TOX2: variants seen among roughly 807,000 people sequenced by gnomAD.
The protein encoded by TOX2 is TOX high mobility group box family member 2, also known as granulosa cell HMG box 1.
Under a neutral mutation model 47.4 loss-of-function variants are expected in TOX2, and 15 were observed. That is an observed-to-expected ratio of 0.32 (90% CI 0.21 to 0.49). The LOEUF is 0.49. Among genes scored for constraint, TOX2 ranks in the 20% least tolerant of loss-of-function variants. The pLI is 0.99. For synonymous variants in TOX2, 290 were observed against 296.6 expected, an observed-to-expected ratio of 0.98 and a Z score of 0.23; for missense variants, 622 against 673.1, an observed-to-expected ratio of 0.92 and a Z score of 0.84.
At chr20:43,929,501 C>A (rs2069224355) in intron 1 of TOX2, among the ~76,000 whole-genome samples, 1 of 151,460 alleles carries the variant, frequency 6.6e-6, no homozygotes, top group South Asian at 2.1e-4. Flanking sequence ...GATCCCCCCA[C>A]CCTGTTCTTT....
intron 3 of TOX2, among the ~76,000 whole-genome samples, chr20:44,043,433 C>T (rs2071365103): frequency 6.6e-6 from 1 of 152,184 alleles, no homozygotes. Flanking sequence ...TATGCTTTTA[C>T]TACATTTTCA....
Position 43,916,968 on chromosome 20 carries a change from G to T in TOX2, c.99+1978G>T, listed in dbSNP as rs1262066399. Reference sequence around the variant, plus strand: ...ATCTCGCCGGGAAGGGCCCGTCAGGGAGGGAATGAGAAGCCGGCGATTCTG... The same window carrying T: ...ATCTCGCCGGGAAGGGCCCGTCAGGTAGGGAATGAGAAGCCGGCGATTCTG... On this transcript the variant is annotated intron_variant, in intron 1 of 8. Coordinates refer to ENST00000341197, the MANE Select transcript of TOX2 (RefSeq NM_001098797.2). The surrounding 1 kb of genome is among the most constrained non-coding windows in gnomAD (Gnocchi z 5.0). Among the ~76,000 whole-genome samples the T allele has an allele frequency of 6.6e-6, 1 of 152,200 alleles. No individual in the cohort carries two copies. Among genetic ancestry groups the T allele is most frequent in the African/African-American group, 2.4e-5 (1 of 41,448 alleles).
chr20:43,961,124 T>C (rs2069751436), intron 1 of TOX2, among the ~76,000 whole-genome samples: 1 of 152,230 alleles, frequency 6.6e-6, no homozygotes, highest in African/African-American at 2.4e-5. Flanking sequence ...GGTGCCCCCA[T>C]GGCAGAGGGG....
chr20:43,991,893 C>T (rs1468596308), intron 2 of TOX2, among the ~76,000 whole-genome samples: 1 of 152,068 alleles, frequency 6.6e-6, no homozygotes, highest in African/African-American at 2.4e-5. Flanking sequence ...GTCTGGCCTC[C>T]CAAAGTGCTA....
chr20:44,036,397 G>T (rs540033611), intron 3 of TOX2, among the ~76,000 whole-genome samples: 1 of 152,192 alleles, frequency 6.6e-6, no homozygotes, highest in Admixed American at 6.5e-5. Flanking sequence ...CAGCTGTGCC[G>T]CCTACGGCCA....
At chr20:44,019,491 C>T (rs908432495) in intron 3 of TOX2, among the ~76,000 whole-genome samples, 4 of 152,236 alleles carry the variant, frequency 2.6e-5, no homozygotes, top group African/African-American at 9.6e-5. Context: ...CCCTGTCTCC[C>T]TATCGAGTGT....
chr20:43,991,697 G>A (rs2070372075), intron 2 of TOX2, among the ~76,000 whole-genome samples: 1 of 151,480 alleles, frequency 6.6e-6, no homozygotes, highest in Non-Finnish European at 1.5e-5. Context: ...AGGCTGGAGT[G>A]CAGTGGTACA....
At chr20:43,983,145 T>C (rs1171709771) in intron 2 of TOX2, among the ~76,000 whole-genome samples, 1 of 151,960 alleles carries the variant, frequency 6.6e-6, no homozygotes, top group Admixed American at 6.6e-5. Flanking sequence ...CCACTGCCCC[T>C]GTAGCATCCC....
At chr20:44,028,103 C>T (rs2071093003) in intron 3 of TOX2, among the ~76,000 whole-genome samples, 1 of 152,186 alleles carries the variant, frequency 6.6e-6, no homozygotes, top group Non-Finnish European at 1.5e-5. Flanking sequence ...ACAGCTGTGA[C>T]AAGTTCAATG....
intron 2 of TOX2, among the ~76,000 whole-genome samples, chr20:44,001,575 A>T (rs2070583579): frequency 6.6e-6 from 1 of 152,212 alleles, no homozygotes; most frequent in East Asian, 1.9e-4. Flanking sequence ...TTATTTTTTC[A>T]AAAGGCTTCT....
chr20:43,923,180 G>A (rs980683435), intron 1 of TOX2, among the ~76,000 whole-genome samples: 4 of 152,108 alleles, frequency 2.6e-5, no homozygotes, highest in African/African-American at 9.7e-5. Context: ...GACACCAGCA[G>A]AGATGGTTAT....
intron 1 of TOX2, among the ~76,000 whole-genome samples, chr20:43,966,246 C>T (rs2069851169): frequency 1.3e-5 from 2 of 152,148 alleles, no homozygotes; most frequent in African/African-American, 4.8e-5. Flanking sequence ...TGCTGTTACC[C>T]AGTATGTTAC....
chr20:44,065,062 A>G (rs1352036906), intron 6 of TOX2, among the ~76,000 whole-genome samples: 8 of 152,256 alleles, frequency 5.3e-5, no homozygotes, highest in African/African-American at 1.9e-4. Context: ...TTCTTCCAAC[A>G]AGAACCCAGC....
Position 43,914,925 on chromosome 20 carries a change from G to A in TOX2, c.34G>A (p.Val12Met). The change falls in exon 1 of 9, where the codon GTG becomes ATG. Residue 12 changes from valine to methionine, a missense_variant. This residue lies in a region of TOX2 where 307 missense variants were observed against 327.3 expected (regional missense o/e 0.94). Transcript: ENST00000341197. This position sits in a 1 kb window ranked among gnomAD's most constrained non-coding sequence, Gnocchi z 4.5. Reference protein sequence around the residue: ...DVRLYPSAPAVGARPGAEPAG... With the variant: ...DVRLYPSAPAMGARPGAEPAG... ...CCGCCTGTACCCCTCGGCGCCCGCG[G>A]TGGGCGCGCGGCCCGGGGCCGAGCC... 1 of 1,181,868 alleles carries A rather than the reference G, an allele frequency of 8.5e-7. No individual in the cohort carries two copies. The highest frequency in any genetic ancestry group is 1.0e-6 in the Non-Finnish European group (1 of 957,940). 73.2% of individuals were successfully genotyped at this position (1,181,868 alleles called of 1,614,324 possible).
In TOX2 at chr20:44,026,250, G is replaced by GAC. The variant is rs1338053834; in HGVS notation, c.411+19472_411+19473dup. The stretch of plus-strand genomic sequence containing the variant: ...TGTGATATATATATATATATATATA[G>GAC]ACACACACACACACAATGGAATACT... On this transcript the variant is annotated intron_variant, in intron 3 of 8. Transcript: ENST00000341197. Among the ~76,000 whole-genome samples the GAC allele has an allele frequency of 2.4e-4, 20 of 82,948 alleles. 3 individuals carry two copies. Among genetic ancestry groups the GAC allele is most frequent in the East Asian group, 1.6e-3 (4 of 2,548 alleles). The allele number at this position is 82,948 out of a possible 152,430, so 54.4% of individuals were successfully genotyped here. A position where few individuals can be genotyped will look rare whatever the true frequency, so the allele number is the denominator to read the frequency against.
At chr20:44,064,684 A>G in intron 5 of TOX2, 93 bp from the exon 6 acceptor site, 2 of 1,226,678 alleles carry the variant, frequency 1.6e-6, no homozygotes, top group Non-Finnish European at 2.3e-6. Flanking sequence ...TCCATTCGTG[A>G]TCCTTGAATC....
chr20:43,939,563 C>T (rs1318911445), intron 1 of TOX2, among the ~76,000 whole-genome samples: 1 of 152,134 alleles, frequency 6.6e-6, no homozygotes, highest in Non-Finnish European at 1.5e-5. Context: ...CAACATGAGG[C>T]TGGAATGTGG....
chr20:44,015,442 C>T (rs562632735), intron 3 of TOX2, among the ~76,000 whole-genome samples: 5 of 152,256 alleles, frequency 3.3e-5, no homozygotes, highest in South Asian at 2.1e-4. Flanking sequence ...AGACTAACAC[C>T]GGCTCTGAAA....
At chr20:43,989,811 T>C in intron 2 of TOX2, among the ~76,000 whole-genome samples, 1 of 151,188 alleles carries the variant, frequency 6.6e-6, no homozygotes, top group East Asian at 1.9e-4. Flanking sequence ...ACCCAGCATA[T>C]ATTAATCATC....
Sources: gnomAD v4.1 joint callset for allele counts (sites outside exome capture counted in the v4.1 genomes callset) on GRCh38, gnomAD v4.1.1 for gene constraint, gnomAD v4.1.1 regional missense constraint, Gnocchi (gnomAD v3.1) non-coding constraint, MANE v1.5 for transcripts, NCBI Gene and HGNC (gene_info 2026-07-23, HGNC 2026-07-21) for gene names.